The following ABAT variants were observed in gnomAD, a reference collection of about 807,000 sequenced individuals.
The protein encoded by ABAT is 4-aminobutyrate aminotransferase, mitochondrial.
Under a neutral mutation model 64.6 loss-of-function variants are expected in ABAT, and 45 were observed. That is an observed-to-expected ratio of 0.70 (90% CI 0.55 to 0.89). The LOEUF (loss-of-function observed/expected upper bound fraction) is 0.89. Ranked by LOEUF, ABAT falls within the 40% of genes least tolerant of loss-of-function variation. The pLI, the probability that ABAT is intolerant of heterozygous loss-of-function variation, is 0.00. For missense variants in ABAT, 633 were observed against 658.4 expected (o/e 0.96, Z 0.42); for synonymous variants, 297 against 250.5 (o/e 1.19, Z -1.75).
chr16:8,700,939 G>C (rs945174218), intron 1 of ABAT, among the ~76,000 whole-genome samples: 1 of 92,682 alleles, frequency 1.1e-5, no homozygotes, highest in African/African-American at 4.5e-5. Flanking sequence ...GCTTTGTTTT[G>C]TTTTTTCTCT....
intron 1 of ABAT, among the ~76,000 whole-genome samples, chr16:8,696,929 T>C (rs2057716038): frequency 6.6e-6 from 1 of 152,166 alleles, no homozygotes; most frequent in South Asian, 2.1e-4. Context: ...CCCAGAGGCA[T>C]CCATGTCCCA....
chr16:8,777,585 T>C (rs2060304443), intron 14 of ABAT, among the ~76,000 whole-genome samples: 2 of 152,090 alleles, frequency 1.3e-5, no homozygotes, highest in African/African-American at 4.8e-5. Flanking sequence ...GGGATGTGTG[T>C]GTGTGAGTGT....
intron 8 of ABAT, among the ~76,000 whole-genome samples, chr16:8,765,348 A>G (rs900763458): frequency 6.7e-6 from 1 of 148,492 alleles, no homozygotes; most frequent in African/African-American, 2.5e-5. Context: ...AAAAAAAAAA[A>G]GAAGAAGAAA....
chr16:8,767,966 A>G (rs185421816), intron 9 of ABAT, among the ~76,000 whole-genome samples: 2 of 151,706 alleles, frequency 1.3e-5, no homozygotes, highest in African/African-American at 4.8e-5. Context: ...GTGAGCCACC[A>G]CACCCAGCCT....
chr16:8,752,899 GC>G (rs1449448133), intron 5 of ABAT, among the ~76,000 whole-genome samples: 4 of 152,094 alleles, frequency 2.6e-5, no homozygotes, highest in African/African-American at 9.6e-5. Context: ...TATGCACTTG[GC>G]ATATTGCCAA....
intron 2 of ABAT, among the ~76,000 whole-genome samples, chr16:8,739,750 C>CA (rs2059108413): frequency 9.7e-6 from 1 of 103,038 alleles, no homozygotes; most frequent in African/African-American, 3.1e-5. Flanking sequence ...AGGCACAATG[C>CA]AAAAAACAAA....
chr16:8,702,102 G>A (rs1280968720), intron 1 of ABAT, among the ~76,000 whole-genome samples: 1 of 152,132 alleles, frequency 6.6e-6, no homozygotes, highest in Non-Finnish European at 1.5e-5. Context: ...AAAGAAAAGA[G>A]GTTTCATTGG....
At chr16:8,703,721 T>C (rs1005045733) in intron 1 of ABAT, among the ~76,000 whole-genome samples, 22 of 152,112 alleles carry the variant, frequency 1.4e-4, no homozygotes, top group East Asian at 7.7e-4. Context: ...CAGTTTGTTA[T>C]TGGGAAGATA....
At chr16:8,756,464 T>C (rs907556892) in intron 5 of ABAT, among the ~76,000 whole-genome samples, 2 of 152,198 alleles carry the variant, frequency 1.3e-5, no homozygotes, top group African/African-American at 2.4e-5. Context: ...GTTTGTTACA[T>C]AGGTAAACGT....
chr16:8,676,290 G>T (rs1266594437), intron 1 of ABAT, among the ~76,000 whole-genome samples: 1 of 152,066 alleles, frequency 6.6e-6, no homozygotes, highest in African/African-American at 2.4e-5. Flanking sequence ...ACACACAGAG[G>T]CACAAAAGGG....
intron 3 of ABAT, 37 bp from the exon 4 acceptor site, chr16:8,748,071 G>A (rs769561975): frequency 1.2e-6 from 2 of 1,606,806 alleles, no homozygotes; most frequent in Non-Finnish European, 1.7e-6. Context: ...GCAAGAGTGT[G>A]GACTTGCTAT....
chr16:8,725,416 C>T (rs1416109123), intron 1 of ABAT, among the ~76,000 whole-genome samples: 1 of 152,144 alleles, frequency 6.6e-6, no homozygotes, highest in Non-Finnish European at 1.5e-5. Context: ...TATTTTCTGT[C>T]TTTGTAGATT....
rs1691090856 is a variant in ABAT at position 8,750,418 on chromosome 16, C to T, written c.199-4C>T. 5 of 1,613,358 alleles carry T rather than the reference C, an allele frequency of 3.1e-6. No homozygotes were observed. The highest frequency in any genetic ancestry group is 1.3e-5 in the African/African-American group (1 of 74,912). The stretch of plus-strand genomic sequence containing the variant: ...AGCCTGAGTTGGTCTTTTCTTTCTC[C>T]AAGAATGCAGAGGCTGTGCATTTTT... On this transcript the variant is annotated splice_region_variant and splice_polypyrimidine_tract_variant and intron_variant, in intron 4 of 15. Coordinates refer to ENST00000268251, the MANE Select transcript of ABAT (RefSeq NM_020686.6).
At chr16:8,736,048 C>A in intron 2 of ABAT, 1 of 513,584 alleles carries the variant, frequency 1.9e-6, no homozygotes, top group South Asian at 2.1e-5. Context: ...GGAGGCCTCA[C>A]AATCATGGCG....
At chr16:8,774,588 C>G (rs1299567533) in intron 12 of ABAT, among the ~76,000 whole-genome samples, 1 of 152,070 alleles carries the variant, frequency 6.6e-6, no homozygotes, top group Non-Finnish European at 1.5e-5. Context: ...AGACCCGAGA[C>G]TGAAGCCAGA....
At chr16:8,680,299 G>T (rs2141902578) in intron 1 of ABAT, among the ~76,000 whole-genome samples, 1 of 152,300 alleles carries the variant, frequency 6.6e-6, no homozygotes, top group African/African-American at 2.4e-5. Context: ...TGTCTTAAAT[G>T]CATAGCACAC....
intron 13 of ABAT, 57 bp downstream of exon 13, chr16:8,775,114 C>G: frequency 4.3e-6 from 7 of 1,610,656 alleles, no homozygotes; most frequent in Non-Finnish European, 4.2e-6. Flanking sequence ...GCATCCTCTT[C>G]TCCTAACTGT....
chr16:8,746,408 C>A (rs1243469222), intron 3 of ABAT, among the ~76,000 whole-genome samples: 1 of 151,400 alleles, frequency 6.6e-6, no homozygotes, highest in Non-Finnish European at 1.5e-5. Context: ...CAAAAATTAG[C>A]CAGGAGTGAT....
chr16:8,725,565 A>G (rs2058525757), intron 1 of ABAT, among the ~76,000 whole-genome samples: 1 of 152,218 alleles, frequency 6.6e-6, no homozygotes, highest in Admixed American at 6.5e-5. Context: ...CCTTTTTATG[A>G]CTGAATAATA....
Sources: gnomAD v4.1 joint callset for allele counts (sites outside exome capture counted in the v4.1 genomes callset) on GRCh38, gnomAD v4.1.1 for gene constraint, MANE v1.5 for transcripts, NCBI Gene and HGNC (gene_info 2026-07-23, HGNC 2026-07-21) for gene names.